MRGPRX2: variants seen among roughly 807,000 people sequenced by gnomAD.
MRGPRX2 encodes the protein mas-related G protein-coupled receptor member X2.
For missense variants in MRGPRX2, 389 were observed against 404.5 expected, an observed-to-expected ratio of 0.96 and a Z score of 0.33; for synonymous variants, 183 against 175.6, an observed-to-expected ratio of 1.04 and a Z score of -0.33.
chr11:19,057,685 C>T (rs1164944382), intron 1 of MRGPRX2, among the ~76,000 whole-genome samples: 1 of 152,192 alleles, frequency 6.6e-6, no homozygotes, highest in African/African-American at 2.4e-5. Flanking sequence ...GATGCTTATG[C>T]AAATTACACT....
Position 19,055,856 on chromosome 11 carries a change from AT to A in MRGPRX2, c.546del (p.Phe183LeufsTer9). On this transcript the variant is annotated frameshift_variant, in exon 2 of 2. Transcript: ENST00000329773. LOFTEE classifies it low-confidence loss of function (END_TRUNC). ...FSDGDSGWCQTFDFITAAWLI... is the reference protein window; with the variant it reads ...FSDGDSGWCQXFDFITAAWLI... Reference sequence around the variant, plus strand: ...AGCCACGCTGCAGTGATGAAATCAAATGTCTGACACCAACCAGAGTCACCAT... The same window carrying A: ...AGCCACGCTGCAGTGATGAAATCAAAGTCTGACACCAACCAGAGTCACCAT... 1 of 1,614,172 alleles carries A rather than the reference AT, an allele frequency of 6.2e-7. No individual in the cohort carries two copies. The highest frequency in any genetic ancestry group is 8.5e-7 in the Non-Finnish European group (1 of 1,180,030).
At position 19,056,017 on chromosome 11, in the gene MRGPRX2, A is replaced by C; in HGVS notation, c.386T>G (p.Leu129Arg). Residue 129 changes from leucine to arginine, a missense_variant, in exon 2 of 2, where the codon CTG becomes CGG. Coordinates refer to ENST00000329773, the MANE Select transcript of MRGPRX2 (RefSeq NM_054030.4). The part of the protein sequence containing the change: ...MLSTVSTERC[L>R]SVLWPIWYRC... ...ATACCAGATGGGCCACAGGACGGAC[A>C]GGCAGCGCTCGGTGCTGACGGTGCT... 2 of 1,614,244 alleles carry C rather than the reference A, an allele frequency of 1.2e-6. No homozygotes were observed. The highest frequency in any genetic ancestry group is 2.2e-5 in the South Asian group (2 of 91,084).
intron 1 of MRGPRX2, among the ~76,000 whole-genome samples, chr11:19,058,222 A>G (rs771978493): frequency 6.6e-6 from 1 of 152,184 alleles, no homozygotes; most frequent in Admixed American, 6.5e-5. Context: ...CATGGGTTGG[A>G]GGCCTCCAAG....
chr11:19,057,649 G>A (rs1849631354), intron 1 of MRGPRX2, among the ~76,000 whole-genome samples: 1 of 152,250 alleles, frequency 6.6e-6, no homozygotes, highest in Non-Finnish European at 1.5e-5. Context: ...TGTCTACACT[G>A]TGCAGGGCTT....
At chr11:19,056,981 A>G (rs1849626313) in intron 1 of MRGPRX2, among the ~76,000 whole-genome samples, 1 of 152,210 alleles carries the variant, frequency 6.6e-6, no homozygotes, top group South Asian at 2.1e-4. Context: ...GAAATTGCTC[A>G]GTGGGTCAGC....
At position 19,055,748 on chromosome 11, in the gene MRGPRX2, T is replaced by C. The variant is rs780640732; in HGVS notation, c.655A>G (p.Thr219Ala). The change falls in exon 2 of 2, where the codon ACC (threonine) becomes GCC (alanine). Residue 219 changes from threonine (T) to alanine (A), a missense_variant. Physicochemically the swap from Thr to Ala is moderately conservative, Grantham distance 58 (BLOSUM62 0). Coordinates refer to ENST00000329773, the MANE Select transcript of MRGPRX2 (RefSeq NM_054030.4). ...ILCGSRGLPLTRLYLTILLTV... is the reference protein window; with the variant it reads ...ILCGSRGLPLARLYLTILLTV... ...AGCAGGATGGTCAGGTACAGCCTGG[T>C]CAGTGGCAGACCCCTGGAGCCACAG... 6.2e-7 allele frequency: 1 copy of C among 1,614,130 alleles called. No homozygotes were observed. The highest frequency in any genetic ancestry group is 8.5e-7 in the Non-Finnish European group (1 of 1,180,016).
At chr11:19,059,801 GCTGT>G (rs1299108898) in intron 1 of MRGPRX2, among the ~76,000 whole-genome samples, 1 of 152,186 alleles carries the variant, frequency 6.6e-6, no homozygotes, top group Non-Finnish European at 1.5e-5. Flanking sequence ...TCGTCAATGG[GCTGT>G]CTTTCACTCA....
At position 19,056,201 on chromosome 11, in the gene MRGPRX2, C is replaced by A. The variant is rs756417420; in HGVS notation, c.202G>T (p.Val68Phe). 4.3e-6 allele frequency: 7 copies of A among 1,614,128 alleles called. No homozygotes were observed. The South Asian group carries it at 6.6e-5, about 15-fold the overall frequency. ...RMRRNAFSVY[V>F]LSLAGADFLF... ...AAGTCGGCCCCGGCCAGGCTGAGGA[C>A]GTAGACAGAGAAGGCGTTCCTGCGC... The change falls in exon 2 of 2, where the codon GTC becomes TTC. Residue 68 changes from valine to phenylalanine, a missense_variant. Transcript: ENST00000329773.
At position 19,056,104 on chromosome 11, in the gene MRGPRX2, T is replaced by C. The variant is rs1020874957; in HGVS notation, c.299A>G (p.Asn100Ser). 7 of 1,613,924 alleles carry C rather than the reference T, an allele frequency of 4.3e-6. No homozygotes were observed. Among genetic ancestry groups the C allele is most frequent in the East Asian group, 2.2e-5 (1 of 44,864 alleles). The part of the protein sequence containing the change: ...LSNFFCSISI[N>S]FPSFFTTVMT... ...CACAGTGGTGAAGAAGCTAGGGAAA[T>C]TGATGGAGATGGAACAGAAGAAGTT... is the stretch of plus-strand genomic sequence containing the variant. Residue 100 changes from asparagine to serine, a missense_variant, in exon 2 of 2, where the codon AAT becomes AGT. By Grantham distance (46) the Asn-to-Ser change is conservative. Coordinates refer to ENST00000329773, the MANE Select transcript of MRGPRX2 (RefSeq NM_054030.4).
chr11:19,060,181 GTC>G (rs1488868413), intron 1 of MRGPRX2, among the ~76,000 whole-genome samples: 1 of 152,186 alleles, frequency 6.6e-6, no homozygotes, highest in African/African-American at 2.4e-5. Flanking sequence ...GTTGTAAACA[GTC>G]TCTTCACTAA....
At chr11:19,056,959 C>G (rs1590039576) in intron 1 of MRGPRX2, among the ~76,000 whole-genome samples, 1 of 152,238 alleles carries the variant, frequency 6.6e-6, no homozygotes, top group African/African-American at 2.4e-5. Flanking sequence ...GACAGCCAGG[C>G]CTGTCAGACT....
rs1168787586 is a variant in MRGPRX2 at position 19,056,038 on chromosome 11, G to A, written c.365C>T (p.Thr122Ile). Residue 122 changes from threonine to isoleucine, a missense_variant, in exon 2 of 2, where the codon ACC becomes ATC. Physicochemically the swap from Thr to Ile is moderately conservative, Grantham distance 89. Transcript: ENST00000329773. ...GGACAGGCAGCGCTCGGTGCTGACG[G>A]TGCTCAGCATGCTCAGGCCTGCAAG... ...AYLAGLSMLS[T>I]VSTERCLSVL... 1.2e-6 allele frequency: 2 copies of A among 1,614,198 alleles called. No homozygotes were observed. Among genetic ancestry groups the A allele is most frequent in the Admixed American group, 3.3e-5 (2 of 60,020 alleles).
chr11:19,059,322 C>A (rs775389710), intron 1 of MRGPRX2, among the ~76,000 whole-genome samples: 2 of 152,070 alleles, frequency 1.3e-5, no homozygotes, highest in African/African-American at 2.4e-5. Flanking sequence ...GTAAGGGTAC[C>A]GCTTTAGGGA....
intron 1 of MRGPRX2, among the ~76,000 whole-genome samples, chr11:19,059,856 C>A (rs1849652919): frequency 6.6e-6 from 1 of 151,372 alleles, no homozygotes; most frequent in Non-Finnish European, 1.5e-5. Flanking sequence ...TGGAGGGTGA[C>A]TTTTTTTTTC....
At position 19,055,351 on chromosome 11, in the gene MRGPRX2, A is replaced by C; in HGVS notation, c.*59T>G. 2 of 1,519,764 alleles carry C rather than the reference A, an allele frequency of 1.3e-6. No individual in the cohort carries two copies. Among genetic ancestry groups the C allele is most frequent in the South Asian group, 1.3e-5 (1 of 77,776 alleles). The allele number at this position is 1,519,764 out of a possible 1,614,324, so 94.1% of individuals were successfully genotyped here. The stretch of plus-strand genomic sequence containing the variant: ...AGAAAGTTCAGCAAATCAGACAGAC[A>C]GGGGCAAAGTTGCCTCTCAAAGCCA... On this transcript the variant is annotated 3_prime_UTR_variant, in exon 2 of 2. Transcript: ENST00000329773.
Position 19,055,510 on chromosome 11 carries a change from A to G in MRGPRX2, c.893T>C (p.Leu298Pro). Residue 298 changes from leucine (L) to proline (P), a missense_variant, in exon 2 of 2, where the codon CTG becomes CCG. Transcript: ENST00000329773. ...QWRLQQPILK[L>P]ALQRALQDIA... ...GTCCTGCAGAGCCCTCTGGAGAGCC[A>G]GCTTGAGGATCGGCTGCTGCAGCCG... is the stretch of plus-strand genomic sequence containing the variant. 1 of 1,614,198 alleles carries G rather than the reference A, an allele frequency of 6.2e-7. No individual in the cohort carries two copies. The highest frequency in any genetic ancestry group is 8.5e-7 in the Non-Finnish European group (1 of 1,180,024).
Position 19,056,211 on chromosome 11 carries a change from G to A in MRGPRX2, c.192C>T (p.Phe64=). ...CGGCCAGGCTGAGGACGTAGACAGA[G>A]AAGGCGTTCCTGCGCATGCGGAAGC... The part of the protein sequence containing the change: ...LLGFRMRRNA[F]SVYVLSLAGA... The change falls in exon 2 of 2, where the codon TTC becomes TTT. Residue 64 remains phenylalanine (F), a synonymous_variant. Transcript: ENST00000329773. 2 of 1,614,142 alleles carry A rather than the reference G, an allele frequency of 1.2e-6. No homozygotes were observed. The highest frequency in any genetic ancestry group is 1.3e-5 in the African/African-American group (1 of 75,064).
At chr11:19,057,597 G>A (rs1849631016) in intron 1 of MRGPRX2, among the ~76,000 whole-genome samples, 2 of 152,188 alleles carry the variant, frequency 1.3e-5, no homozygotes, top group Non-Finnish European at 2.9e-5. Flanking sequence ...TTGTGAACAG[G>A]ATTATTTGGG....
chr11:19,058,213 A>G (rs1261787903), intron 1 of MRGPRX2, among the ~76,000 whole-genome samples: 3 of 152,070 alleles, frequency 2.0e-5, no homozygotes, highest in African/African-American at 7.2e-5. Flanking sequence ...GAAAACTCTC[A>G]TGGGTTGGAG....
Sources: allele counts gnomAD v4.1 joint callset (sites outside exome capture counted in the v4.1 genomes callset), GRCh38; gene constraint gnomAD v4.1.1; transcripts MANE v1.5; gene names NCBI Gene and HGNC (gene_info 2026-07-23, HGNC 2026-07-21).